Variants in OPCML observed in about 807,000 individuals in gnomAD.
OPCML encodes opioid binding protein/cell adhesion molecule like, also known as opioid-binding protein/cell adhesion molecule.
Under a neutral mutation model 37.8 loss-of-function variants are expected in OPCML, and 13 were observed. The observed-to-expected ratio is 0.34, with a 90% CI of 0.22 to 0.55. The LOEUF is 0.55. OPCML is among the 20% of genes least tolerant of loss of function. OPCML has a pLI of 0.91. For missense variants in OPCML, 341 were observed against 435.6 expected, an observed-to-expected ratio of 0.78 and a Z score of 1.93; for synonymous variants, 176 against 168.8, an observed-to-expected ratio of 1.04 and a Z score of -0.33.
chr11:133,006,869 G>A, intron 1 of OPCML: 1 of 985,438 alleles, frequency 1.0e-6, no homozygotes, highest in Non-Finnish European at 1.2e-6. Context: ...ATATCAGAAT[G>A]CAGTAGGCTC....
intron 3 of OPCML, among the ~76,000 whole-genome samples, chr11:132,621,047 C>T (rs1939372737): frequency 6.6e-6 from 1 of 152,248 alleles, no homozygotes; most frequent in African/African-American, 2.4e-5. Context: ...CCATGTAGGA[C>T]ACGTGTGACA....
intron 1 of OPCML, among the ~76,000 whole-genome samples, chr11:133,063,568 G>GTTT (rs34801498): frequency 4.7e-5 from 7 of 149,340 alleles, no homozygotes; most frequent in Admixed American, 2.0e-4. Flanking sequence ...AGAGCTGTTG[G>GTTT]TTTTTTTTTT....
intron 1 of OPCML, among the ~76,000 whole-genome samples, chr11:133,498,983 G>A (rs1481667565): frequency 6.6e-6 from 1 of 152,206 alleles, no homozygotes; most frequent in Non-Finnish European, 1.5e-5. Flanking sequence ...AGGCACATGA[G>A]GTTCTCCTAC....
At chr11:132,742,726 G>A (rs1945472468) in intron 2 of OPCML, among the ~76,000 whole-genome samples, 1 of 147,968 alleles carries the variant, frequency 6.8e-6, no homozygotes, top group Non-Finnish European at 1.5e-5. Flanking sequence ...AAAACTTGAA[G>A]TATAATAAAA....
At chr11:132,902,836 T>C (rs1440249419) in intron 2 of OPCML, among the ~76,000 whole-genome samples, 2 of 152,280 alleles carry the variant, frequency 1.3e-5, no homozygotes, top group East Asian at 1.9e-4. Flanking sequence ...AGACTAAAAG[T>C]TGTCACCACA....
intron 1 of OPCML, chr11:133,421,774 T>C (rs1229302882): frequency 1.0e-6 from 1 of 985,276 alleles, no homozygotes; most frequent in Non-Finnish European, 1.2e-6. Flanking sequence ...CTTAATGCTC[T>C]GGATATCAAT....
At chr11:133,300,077 T>C (rs1232434345) in intron 1 of OPCML, 1 of 152,006 alleles carries the variant, frequency 6.6e-6, no homozygotes, top group African/African-American at 2.4e-5. Flanking sequence ...AGCAAAGCAG[T>C]AGGAACAGCA....
At chr11:132,499,608 T>A (rs73586926) in intron 4 of OPCML, among the ~76,000 whole-genome samples, 5,271 of 152,276 alleles carry the variant, frequency 0.035, 294 homozygotes, top group African/African-American at 0.11. Flanking sequence ...GGAACTTGCA[T>A]GCCTGGGATT....
intron 1 of OPCML, among the ~76,000 whole-genome samples, chr11:133,429,432 G>A (rs1448790085): frequency 2.0e-5 from 3 of 152,200 alleles, no homozygotes; most frequent in African/African-American, 7.2e-5. Context: ...GAGATGGTAA[G>A]CCATTGGAAG....
chr11:132,778,488 A>G lies in OPCML; in HGVS notation c.147-121169T>C, dbSNP rs372966880. ...ATATAATTTAGTGTAAAGATAAAAT[A>G]GCATTTACTGTTATATAAAGAGGAA... On this transcript the variant is annotated intron_variant, in intron 2 of 7. Transcript: ENST00000524381. 2.6e-5 allele frequency among the ~76,000 whole-genome samples: 4 copies of G among 152,384 alleles called. No individual in the cohort carries two copies. In the South Asian group the frequency reaches 8.3e-4, roughly 32 times the overall value.
intron 2 of OPCML, among the ~76,000 whole-genome samples, chr11:132,844,174 C>T (rs569384847): frequency 9.2e-5 from 14 of 152,214 alleles, no homozygotes; most frequent in South Asian, 4.1e-4. Flanking sequence ...TCCCCAGCCA[C>T]GTGGAACTGT....
At chr11:133,005,812 G>T (rs1269167232) in intron 1 of OPCML, 4 of 985,180 alleles carry the variant, frequency 4.1e-6, no homozygotes, top group South Asian at 4.7e-5. Context: ...GCATTTCCCT[G>T]GCCCTGGGGG....
chr11:132,676,334 T>C (rs2135834705), intron 2 of OPCML, among the ~76,000 whole-genome samples: 1 of 152,246 alleles, frequency 6.6e-6, no homozygotes, highest in Non-Finnish European at 1.5e-5. Context: ...ACAACTCTCT[T>C]AGAAGAAAAC....
intron 1 of OPCML, among the ~76,000 whole-genome samples, chr11:133,249,580 G>A (rs900725063): frequency 2.0e-5 from 3 of 151,914 alleles, no homozygotes; most frequent in African/African-American, 4.8e-5. Flanking sequence ...GGCATTTTAC[G>A]ACAGGGTTGA....
intron 1 of OPCML, among the ~76,000 whole-genome samples, chr11:133,141,371 A>C (rs1043266773): frequency 2.2e-4 from 34 of 152,050 alleles, no homozygotes; most frequent in African/African-American, 7.7e-4. Flanking sequence ...TCAACTGTGC[A>C]TACAGAACTG....
intron 3 of OPCML, among the ~76,000 whole-genome samples, chr11:132,638,964 G>A (rs61002095): frequency 0.041 from 6,282 of 152,154 alleles, 302 homozygotes; most frequent in African/African-American, 0.12. Context: ...TCTGCGCAGC[G>A]GGTAGGAAGA....
At chr11:133,235,361 C>G (rs1940466384) in intron 1 of OPCML, among the ~76,000 whole-genome samples, 1 of 152,012 alleles carries the variant, frequency 6.6e-6, no homozygotes, top group Non-Finnish European at 1.5e-5. Context: ...TCCTAAGAGG[C>G]AGTTGATTAT....
At chr11:133,373,141 C>G (rs1944710293) in intron 1 of OPCML, among the ~76,000 whole-genome samples, 3 of 152,048 alleles carry the variant, frequency 2.0e-5, no homozygotes, top group Non-Finnish European at 4.4e-5. Context: ...AAAACTGCCT[C>G]TGCTACCATT....
intron 2 of OPCML, among the ~76,000 whole-genome samples, chr11:132,877,294 C>A (rs1004817952): frequency 2.6e-5 from 4 of 151,984 alleles, no homozygotes; most frequent in South Asian, 2.1e-4. Flanking sequence ...TGCACCCCCC[C>A]ACCCAAAAAA....
Sources: allele counts gnomAD v4.1 joint callset (sites outside exome capture counted in the v4.1 genomes callset), GRCh38; gene constraint gnomAD v4.1.1; transcripts MANE v1.5; gene names NCBI Gene and HGNC (gene_info 2026-07-23, HGNC 2026-07-21).